Variants in CANX observed in about 807,000 individuals in gnomAD.
CANX encodes the protein calnexin.
A neutral mutation model predicts 75.7 loss-of-function variants in CANX; 14 were observed. The ratio of observed to expected loss-of-function variants is 0.19; its 90% CI spans 0.12 to 0.29. The LOEUF is 0.29. CANX is among the 10% of genes least tolerant of loss of function. The pLI, the probability that CANX is intolerant of heterozygous loss-of-function variation, is 1.00. For missense variants in CANX, 567 were observed against 713.2 expected (o/e 0.79, Z 2.34); for synonymous variants, 227 against 236.9 (o/e 0.96, Z 0.38).
At chr5:179,692,596 T>C (rs1054745810) in intron 1 of CANX, among the ~76,000 whole-genome samples, 3 of 152,198 alleles carry the variant, frequency 2.0e-5, no homozygotes, top group East Asian at 3.9e-4. Context: ...GGCATGATCA[T>C]GGCTCACTGC....
At chr5:179,696,267 C>CTTTTT (rs34048949), upstream of CANX, among the ~76,000 whole-genome samples, 567 of 56,752 alleles carry the variant, frequency 1.0e-2, 2 homozygotes, top group African/African-American at 0.015. Context: ...AGTGTCATTT[C>CTTTTT]TTTTTTTTTT....
chr5:179,680,643 A>G (rs1187111180), intron 1 of CANX, among the ~76,000 whole-genome samples: 3 of 152,102 alleles, frequency 2.0e-5, no homozygotes, highest in Non-Finnish European at 2.9e-5. Flanking sequence ...AAGTCCAGAT[A>G]ACAGACAAGT....
chr5:179,721,655 A>C (rs999622914), intron 10 of CANX, among the ~76,000 whole-genome samples: 5 of 152,170 alleles, frequency 3.3e-5, no homozygotes, highest in Admixed American at 1.3e-4. Context: ...GGATACAAGT[A>C]GTAAGGTTGT....
At chr5:179,712,472 G>A (rs2113188968) in intron 7 of CANX, among the ~76,000 whole-genome samples, 1 of 151,716 alleles carries the variant, frequency 6.6e-6, no homozygotes, top group African/African-American at 2.4e-5. Flanking sequence ...AGGCTGGAGT[G>A]CAATTGTGTG....
chr5:179,694,550 G>C, upstream of CANX: 1 of 808,992 alleles, frequency 1.2e-6, no homozygotes, highest in Non-Finnish European at 2.2e-6. Context: ...TTGGAGATGT[G>C]GCAAAAAAGC....
At chr5:179,714,806 T>C (rs967258769) in intron 7 of CANX, among the ~76,000 whole-genome samples, 3 of 151,046 alleles carry the variant, frequency 2.0e-5, no homozygotes, top group Non-Finnish European at 4.4e-5. Context: ...CGTGAGCCAC[T>C]GCGCCCGGCC....
In CANX at chr5:179,713,378, T is replaced by C. The variant is rs191958668; in HGVS notation, c.722-2727T>C. Among the ~76,000 whole-genome samples, 9 of 152,290 alleles carry C rather than the reference T, an allele frequency of 5.9e-5. No individual in the cohort carries two copies. The East Asian group carries it at 1.7e-3, about 29-fold the overall frequency. ...TGAGCCACTGAGCCCAGCTTAACCT[T>C]TTTTTGTTATTTCCAAAAGTAATAC... On this transcript the variant is annotated intron_variant, in intron 7 of 14. Coordinates refer to ENST00000247461, the MANE Select transcript of CANX (RefSeq NM_001746.4).
rs1272451274 is a variant in CANX at position 179,699,068 on chromosome 5, GC to G, written c.-37del. 3 of 1,093,036 alleles carry G rather than the reference GC, an allele frequency of 2.7e-6. No homozygotes were observed. The highest frequency in any genetic ancestry group is 1.1e-4 in the Admixed American group (2 of 17,888). The allele number at this position is 1,093,036 out of a possible 1,614,324, so 67.7% of individuals were successfully genotyped here. On this transcript the variant is annotated 5_prime_UTR_variant, in exon 1 of 15. Coordinates refer to ENST00000247461, the MANE Select transcript of CANX (RefSeq NM_001746.4). ...GGGCAAGGTGTGCGGGCGGGAAGGG[GC>G]ACGGGCACCCCCGCGGTCCCCGGGA...
chr5:179,691,983 T>G (rs758780992), intron 1 of CANX, among the ~76,000 whole-genome samples: 17 of 151,182 alleles, frequency 1.1e-4, no homozygotes, highest in Non-Finnish European at 2.5e-4. Flanking sequence ...GATTTCACCA[T>G]GTTAGCCAGG....
chr5:179,726,450 C>A (rs1337427749), intron 13 of CANX, among the ~76,000 whole-genome samples: 2 of 151,804 alleles, frequency 1.3e-5, no homozygotes, highest in Non-Finnish European at 2.9e-5. Context: ...GTGGCAGGCG[C>A]CTGTAGTCCC....
intron 10 of CANX, among the ~76,000 whole-genome samples, chr5:179,721,270 A>G (rs1778296988): frequency 6.6e-6 from 1 of 151,708 alleles, no homozygotes; most frequent in South Asian, 2.1e-4. Context: ...TTGTATTTTT[A>G]GTAGAGACGG....
At chr5:179,702,426 T>TC (rs1190032583) in intron 1 of CANX, among the ~76,000 whole-genome samples, 1 of 151,496 alleles carries the variant, frequency 6.6e-6, no homozygotes, top group Non-Finnish European at 1.5e-5. Context: ...CTTCCTTCCT[T>TC]CTTTTTTAAA....
chr5:179,720,002 T>G lies in CANX; in HGVS notation c.1025+221T>G, dbSNP rs188403723. On this transcript the variant is annotated intron_variant, in intron 9 of 14. Transcript: ENST00000247461. ...ACACCCGGCAAATTTTTGTATTTTT[T>G]GTATTTTTAGTAGAGACGGACTTTC... is the stretch of plus-strand genomic sequence containing the variant. Among the ~76,000 whole-genome samples, 443 of 152,158 alleles carry G rather than the reference T, an allele frequency of 2.9e-3. 4 individuals are homozygous for G. Among genetic ancestry groups the G allele is most frequent in the African/African-American group, 0.01 (420 of 41,480 alleles).
Position 179,723,741 on chromosome 5 carries a change from C to T in CANX, c.1480C>T (p.Pro494Ser). Residue 494 changes from proline (P) to serine (S), a missense_variant, in exon 12 of 15, where the codon CCT (proline) becomes TCT (serine). Pro to Ser is a moderately conservative substitution (Grantham distance 74). Coordinates refer to ENST00000247461, the MANE Select transcript of CANX (RefSeq NM_001746.4). ...AGTCTATATTCTAACTGTAGCCCTT[C>T]CTGTGTTCCTGGTTATCCTCTTCTG... ...WVVYILTVAL[P>S]VFLVILFCCS... 6 of 1,613,292 alleles carry T rather than the reference C, an allele frequency of 3.7e-6. No individual in the cohort carries two copies. Among genetic ancestry groups the T allele is most frequent in the Non-Finnish European group, 2.5e-6 (3 of 1,179,598 alleles).
At chr5:179,690,283 A>G (rs951519482) in intron 1 of CANX, among the ~76,000 whole-genome samples, 4 of 152,154 alleles carry the variant, frequency 2.6e-5, no homozygotes, top group Non-Finnish European at 5.9e-5. Context: ...TATAGTTTTA[A>G]AAAAGAAGTT....
rs1450760961 is a variant in CANX at position 179,731,534 on chromosome 5, C to T, written c.*2890C>T. Among the ~76,000 whole-genome samples, 6 of 149,618 alleles carry T rather than the reference C, an allele frequency of 4.0e-5. No individual in the cohort carries two copies. The highest frequency in any genetic ancestry group is 4.2e-4 in the South Asian group (2 of 4,802). ...TTTTGCCTTGGTGGCCCACTTTCTC[C>T]ATTTAAAACATTAGGATTTGTATTT... On this transcript the variant is annotated 3_prime_UTR_variant, in exon 15 of 15. Transcript: ENST00000247461.
chr5:179,684,844 C>T (rs1254873020), intron 1 of CANX, among the ~76,000 whole-genome samples: 2 of 151,260 alleles, frequency 1.3e-5, no homozygotes, highest in East Asian at 1.9e-4. Context: ...GCAACCTTCA[C>T]CTCCTGGGTT....
chr5:179,706,996 C>G, intron 3 of CANX, 136 bp from the exon 4 acceptor site: 1 of 620,124 alleles, frequency 1.6e-6, no homozygotes, highest in Non-Finnish European at 2.9e-6. Flanking sequence ...AGTTGTGTGA[C>G]AGATTTAAAG....
At chr5:179,719,832 T>A (rs540689212) in intron 9 of CANX, 51 bp downstream of exon 9, 1 of 1,061,048 alleles carries the variant, frequency 9.4e-7, no homozygotes, top group African/African-American at 1.6e-5. Context: ...TTGTTTGTTT[T>A]TTTTTTTGAG....
Sources: gnomAD v4.1 joint callset for allele counts (sites outside exome capture counted in the v4.1 genomes callset) on GRCh38, gnomAD v4.1.1 for gene constraint, MANE v1.5 for transcripts, NCBI Gene and HGNC (gene_info 2026-07-23, HGNC 2026-07-21) for gene names.